Variants in INPP5K observed in about 807,000 individuals in gnomAD.
INPP5K encodes inositol polyphosphate 5-phosphatase K.
INPP5K carries 35 observed loss-of-function variants against 53.5 expected under a neutral mutation model. That is an observed-to-expected ratio of 0.65 (90% CI 0.50 to 0.87). The LOEUF (loss-of-function observed/expected upper bound fraction) is 0.87. Among genes scored for constraint, INPP5K ranks in the 40% least tolerant of loss-of-function variants. The pLI is 0.00. For synonymous variants in INPP5K, 253 were observed against 232.8 expected (o/e 1.09, Z -0.79); for missense variants, 550 against 586.2 (o/e 0.94, Z 0.64).
Position 1,496,397 on chromosome 17 carries a change from C to T in INPP5K, c.1107G>A (p.Gly369=). 2 of 1,559,672 alleles carry T rather than the reference C, an allele frequency of 1.3e-6. No homozygotes were observed. The highest frequency in any genetic ancestry group is 1.7e-6 in the Non-Finnish European group (2 of 1,151,568). ...ACACGTAGTCATTAACGTCCCGCAG[C>T]CCCACCTGTGAGGGGGAGTCAGGCC... ...PWDWIGLYKV[G]LRDVNDYVSY... Residue 369 remains glycine, a synonymous_variant, in exon 10 of 12, where the codon GGG becomes GGA. Transcript: ENST00000421807.
Position 1,498,035 on chromosome 17 carries a change from C to A in INPP5K, c.864G>T (p.Pro288=), listed in dbSNP as rs138432703. The part of the protein sequence containing the change: ...QPCAGPDTPI[P]PASHFSLSLR... ...GAGACAAGGAGAAGTGTGACGCCGGCGGTATGGGAGTGTCGGGGCCAGCAC... is the reference window on the plus strand; with the variant it reads ...GAGACAAGGAGAAGTGTGACGCCGGAGGTATGGGAGTGTCGGGGCCAGCAC... The change falls in exon 8 of 12, where the codon CCG becomes CCT. Residue 288 remains proline, a synonymous_variant. Coordinates refer to ENST00000421807, the MANE Select transcript of INPP5K (RefSeq NM_016532.4). The A allele has an allele frequency of 5.6e-6, 9 of 1,613,900 alleles. No homozygotes were observed. The African/African-American group carries it at 6.7e-5, about 12-fold the overall frequency.
Position 1,498,031 on chromosome 17 carries a change from C to T in INPP5K, c.868G>A (p.Ala290Thr), listed in dbSNP as rs1237264106. Reference sequence around the variant, plus strand: ...CTCAGAGACAAGGAGAAGTGTGACGCCGGCGGTATGGGAGTGTCGGGGCCA... The same window carrying T: ...CTCAGAGACAAGGAGAAGTGTGACGTCGGCGGTATGGGAGTGTCGGGGCCA... Reference protein sequence around the residue: ...CAGPDTPIPPASHFSLSLRGY... With the variant: ...CAGPDTPIPPTSHFSLSLRGY... The change falls in exon 8 of 12, where the codon GCG (alanine) becomes ACG (threonine). Residue 290 changes from alanine to threonine, a missense_variant. By Grantham distance (58) the Ala-to-Thr change is moderately conservative (BLOSUM62 0). Transcript: ENST00000421807. 1 of 1,614,134 alleles carries T rather than the reference C, an allele frequency of 6.2e-7. No homozygotes were observed. Among genetic ancestry groups the T allele is most frequent in the East Asian group, 2.2e-5 (1 of 44,890 alleles).
chr17:1,495,916 G>C (rs1388648239), intron 11 of INPP5K, 37 bp from the exon 12 acceptor site: 9 of 1,566,954 alleles, frequency 5.7e-6, no homozygotes, highest in Non-Finnish European at 7.9e-6. Context: ...ATGGAGAGCG[G>C]GTCTTCCTCC....
intron 3 of INPP5K, 88 bp downstream of exon 3, chr17:1,513,364 GA>G (rs2075352048): frequency 4.0e-6 from 4 of 1,011,126 alleles, no homozygotes; most frequent in Non-Finnish European, 6.3e-6. Context: ...GGCTGAGCAG[GA>G]GTAAGAGGAA....
chr17:1,515,609 G>C (rs2075415868), intron 1 of INPP5K: 1 of 985,286 alleles, frequency 1.0e-6, no homozygotes, highest in Non-Finnish European at 1.2e-6. Context: ...GGGTACAGGG[G>C]GATGGGAGAA....
intron 7 of INPP5K, among the ~76,000 whole-genome samples, chr17:1,506,560 C>G (rs1383650192): frequency 6.6e-6 from 1 of 152,252 alleles, no homozygotes; most frequent in Non-Finnish European, 1.5e-5. Context: ...CCTTCTCACA[C>G]AAGACCTGAC....
At chr17:1,512,333 T>C (rs1186922199) in intron 3 of INPP5K, among the ~76,000 whole-genome samples, 1 of 152,170 alleles carries the variant, frequency 6.6e-6, no homozygotes, top group Non-Finnish European at 1.5e-5. Context: ...TGTAAGGATC[T>C]AGCTCCCTAT....
intron 7 of INPP5K, among the ~76,000 whole-genome samples, chr17:1,503,762 A>G (rs1336062530): frequency 2.0e-5 from 3 of 152,066 alleles, no homozygotes; most frequent in Admixed American, 2.0e-4. Context: ...TGGCAACTAT[A>G]ACAAAACTCC....
In INPP5K at chr17:1,495,849, G is replaced by T. The variant is rs371206939; in HGVS notation, c.1321C>A (p.Leu441Met). The T allele has an allele frequency of 1.1e-4, 174 of 1,613,422 alleles. No homozygotes were observed. Among genetic ancestry groups the T allele is most frequent in the Non-Finnish European group, 1.3e-4 (154 of 1,179,558 alleles). Residue 441 changes from leucine to methionine, a missense_variant, in exon 12 of 12, where the codon CTG (leucine) becomes ATG (methionine). By Grantham distance (15) the Leu-to-Met change is conservative. Coordinates refer to ENST00000421807, the MANE Select transcript of INPP5K (RefSeq NM_016532.4). ...IPPGSLREDP[L>M]GEAQPQI is the part of the protein sequence containing the mutation. ...CAGATCTGTGGCTGTGCTTCACCCA[G>T]TGGGTCCTCCCTCAAGGAGCCAGGC... is the stretch of plus-strand genomic sequence containing the variant.
rs144367627 is a variant in INPP5K, at chr17:1,515,565, G to C, written c.44+891C>G. ...ATGAGTCCTAGGCACACGATGAGGAGTACCTGCAGCAGCTGGAGATCTGGA... is the reference window on the plus strand; with the variant it reads ...ATGAGTCCTAGGCACACGATGAGGACTACCTGCAGCAGCTGGAGATCTGGA... On this transcript the variant is annotated intron_variant, in intron 1 of 11. Coordinates refer to ENST00000421807, the MANE Select transcript of INPP5K (RefSeq NM_016532.4). 13 of 985,750 alleles carry C rather than the reference G, an allele frequency of 1.3e-5. No individual in the cohort carries two copies. The East Asian group carries it at 1.4e-3, about 103-fold the overall frequency. 61.1% of individuals were successfully genotyped at this position (985,750 alleles called of 1,614,324 possible). A position where few individuals can be genotyped will look rare whatever the true frequency, so the allele number is the denominator to read the frequency against.
intron 7 of INPP5K, 124 bp from the exon 8 acceptor site, chr17:1,498,246 C>A (rs2074914522): frequency 1.3e-6 from 1 of 799,638 alleles, no homozygotes; most frequent in East Asian, 2.5e-5. Flanking sequence ...CAGCCACAGA[C>A]CCCCGGGGCC....
rs761498834 is a variant in INPP5K, at chr17:1,513,532, C to T, written c.182G>A (p.Ser61Asn). The T allele has an allele frequency of 1.2e-6, 2 of 1,614,142 alleles. No homozygotes were observed. Among genetic ancestry groups the T allele is most frequent in the African/African-American group, 2.7e-5 (2 of 74,942 alleles). The change falls in exon 3 of 12, where the codon AGC becomes AAC. Residue 61 changes from serine (S) to asparagine (N), a missense_variant. Ser to Asn is a conservative substitution (Grantham distance 46, BLOSUM62 1). Coordinates refer to ENST00000421807, the MANE Select transcript of INPP5K (RefSeq NM_016532.4). ...ATTAAAGGCAGCATCGGAAAGGAGG[C>T]TTATGATCCCAGAGTTCAATTCCTG... ...GLQELNSGII[S>N]LLSDAAFNDS...
At chr17:1,515,914 G>C (rs561411987) in intron 1 of INPP5K, 1 of 986,860 alleles carries the variant, frequency 1.0e-6, no homozygotes, top group Non-Finnish European at 1.2e-6. Context: ...GCAAAAGTCC[G>C]GATTTCTTGT....
chr17:1,508,118 G>A lies in INPP5K; in HGVS notation c.663C>T (p.Asp221=). 6.2e-7 allele frequency: 1 copy of A among 1,610,714 alleles called. No homozygotes were observed. The highest frequency in any genetic ancestry group is 8.5e-7 in the Non-Finnish European group (1 of 1,177,012). The change falls in exon 6 of 12, where the codon GAC becomes GAT. Residue 221 remains aspartate (D), a synonymous_variant. Coordinates refer to ENST00000421807, the MANE Select transcript of INPP5K (RefSeq NM_016532.4). ...GGACCCTCCCCTCACTGGATACCTGGTCCTTCTCCCACAGGCCACCGTAGC... is the reference window on the plus strand; with the variant it reads ...GGACCCTCCCCTCACTGGATACCTGATCCTTCTCCCACAGGCCACCGTAGC... The part of the protein sequence containing the change: ...NRCYGGLWEK[D]QLSIAKKHDP...
At chr17:1,499,784 G>C (rs1190544193) in intron 7 of INPP5K, among the ~76,000 whole-genome samples, 1 of 152,162 alleles carries the variant, frequency 6.6e-6, no homozygotes, top group Non-Finnish European at 1.5e-5. Context: ...TGCGGTTTCT[G>C]GGTTCCACCC....
Position 1,507,038 on chromosome 17 carries a change from G to C in INPP5K, c.718C>G (p.Arg240Gly). The change falls in exon 7 of 12, where the codon CGC (arginine) becomes GGC (glycine). Residue 240 changes from arginine (R) to glycine (G), a missense_variant. By Grantham distance (125) the Arg-to-Gly change is moderately radical. Coordinates refer to ENST00000421807, the MANE Select transcript of INPP5K (RefSeq NM_016532.4). Reference sequence around the variant, plus strand: ...TTGTAGGTGGGCGGGAAGAGTAGGCGGCCCTCCTGGAACTCCCGGAGCAGC... The same window carrying C: ...TTGTAGGTGGGCGGGAAGAGTAGGCCGCCCTCCTGGAACTCCCGGAGCAGC... ...DPLLREFQEGRLLFPPTYKFD... is the reference protein window; with the variant it reads ...DPLLREFQEGGLLFPPTYKFD... 1.2e-6 allele frequency: 2 copies of C among 1,613,986 alleles called. No homozygotes were observed. The highest frequency in any genetic ancestry group is 1.7e-5 in the Admixed American group (1 of 59,982).
chr17:1,498,889 T>C (rs1483098913), intron 7 of INPP5K, among the ~76,000 whole-genome samples: 1 of 152,224 alleles, frequency 6.6e-6, no homozygotes, highest in Non-Finnish European at 1.5e-5. Flanking sequence ...TGGACCACTG[T>C]GCCTGGGTGT....
At chr17:1,508,301 T>G (rs2075213649) in intron 5 of INPP5K, 75 bp from the exon 6 acceptor site, 7 of 1,185,842 alleles carry the variant, frequency 5.9e-6, no homozygotes, top group Non-Finnish European at 8.8e-6. Flanking sequence ...TGGCTCAGCC[T>G]GCTCAACCCA....
At chr17:1,502,216 A>G (rs192659909) in intron 7 of INPP5K, among the ~76,000 whole-genome samples, 29 of 150,328 alleles carry the variant, frequency 1.9e-4, no homozygotes, top group South Asian at 6.4e-4. Flanking sequence ...AGGCGTGGTG[A>G]CGGGCGCCTG....
Sources: gnomAD v4.1 joint callset for allele counts (sites outside exome capture counted in the v4.1 genomes callset) on GRCh38, gnomAD v4.1.1 for gene constraint, MANE v1.5 for transcripts, NCBI Gene and HGNC (gene_info 2026-07-23, HGNC 2026-07-21) for gene names.